The following LARP1B variants were observed in gnomAD, a reference collection of about 807,000 sequenced individuals.
The protein encoded by LARP1B is La ribonucleoprotein 1B.
Under a neutral mutation model 114.2 loss-of-function variants are expected in LARP1B, and 76 were observed. The observed-to-expected ratio is 0.67, with a 90% CI of 0.55 to 0.81. The LOEUF is 0.81. LARP1B is among the 30% of genes least tolerant of loss of function. LARP1B has a pLI of 0.00. For missense variants in LARP1B, 1,014 were observed against 1,075.8 expected (o/e 0.94, Z 0.80); for synonymous variants, 345 against 348.0 (o/e 0.99, Z 0.10).
chr4:128,166,404 C>T (rs769418335), intron 12 of LARP1B, among the ~76,000 whole-genome samples: 2 of 151,880 alleles, frequency 1.3e-5, no homozygotes, highest in African/African-American at 2.4e-5. Context: ...AACTCCTAGC[C>T]TGTCTCCCTC....
intron 15 of LARP1B, among the ~76,000 whole-genome samples, chr4:128,187,500 G>T (rs1750762208): frequency 6.6e-6 from 1 of 152,166 alleles, no homozygotes. Context: ...ATTTACCCAA[G>T]GCCTATACCT....
intron 1 of LARP1B, among the ~76,000 whole-genome samples, chr4:128,073,523 CAAA>C (rs200125031): frequency 9.1e-6 from 1 of 110,184 alleles, no homozygotes; most frequent in Non-Finnish European, 1.7e-5. Context: ...GACTCTGTCT[CAAA>C]AAAAAAAAAG....
intron 15 of LARP1B, among the ~76,000 whole-genome samples, chr4:128,192,510 T>A (rs562446462): frequency 6.6e-6 from 1 of 152,328 alleles, no homozygotes; most frequent in South Asian, 2.1e-4. Context: ...AACCTATAGT[T>A]GGGCAAAATC....
chr4:128,101,566 T>G (rs1244807688), intron 8 of LARP1B, among the ~76,000 whole-genome samples: 3 of 152,044 alleles, frequency 2.0e-5, no homozygotes, highest in South Asian at 2.1e-4. Flanking sequence ...AATTAGTTTT[T>G]TTTTTTTTTT....
intron 17 of LARP1B, among the ~76,000 whole-genome samples, chr4:128,200,921 A>G (rs912225319): frequency 6.6e-6 from 1 of 152,240 alleles, no homozygotes; most frequent in African/African-American, 2.4e-5. Context: ...TCACAGCTTC[A>G]AAGAGTTGAG....
chr4:128,130,289 A>G (rs1487699832), intron 11 of LARP1B, among the ~76,000 whole-genome samples: 2 of 152,244 alleles, frequency 1.3e-5, no homozygotes, highest in East Asian at 3.8e-4. Flanking sequence ...ACAAAGAACT[A>G]TTAAGACTAA....
At chr4:128,202,780 T>C (rs1756373140) in intron 17 of LARP1B, among the ~76,000 whole-genome samples, 1 of 152,228 alleles carries the variant, frequency 6.6e-6, no homozygotes, top group Non-Finnish European at 1.5e-5. Context: ...CTGTATTAGC[T>C]ACTTCTTAGG....
intron 13 of LARP1B, among the ~76,000 whole-genome samples, chr4:128,177,805 C>T (rs955496919): frequency 6.6e-6 from 1 of 152,102 alleles, no homozygotes; most frequent in Non-Finnish European, 1.5e-5. Flanking sequence ...TTTGACTCAG[C>T]ATTTCCACTC....
chr4:128,206,407 C>A (rs779798116), intron 17 of LARP1B, 21 bp from the exon 18 acceptor site: 2 of 1,408,064 alleles, frequency 1.4e-6, no homozygotes, highest in East Asian at 2.3e-5. Context: ...TTATTATAAA[C>A]CTTTTATTTT....
At chr4:128,099,592 G>A (rs1779540123) in intron 8 of LARP1B, among the ~76,000 whole-genome samples, 1 of 151,948 alleles carries the variant, frequency 6.6e-6, no homozygotes, top group Non-Finnish European at 1.5e-5. Context: ...TCATATTGCT[G>A]ACTAGTATTC....
At chr4:128,072,192 G>C (rs1424203181) in intron 1 of LARP1B, among the ~76,000 whole-genome samples, 1 of 151,902 alleles carries the variant, frequency 6.6e-6, no homozygotes, top group Non-Finnish European at 1.5e-5. Flanking sequence ...GTAGAGACGG[G>C]GTTTTGCCAT....
intron 6 of LARP1B, among the ~76,000 whole-genome samples, chr4:128,217,182 A>G (rs1299565422): frequency 7.2e-6 from 1 of 138,636 alleles, no homozygotes; most frequent in African/African-American, 2.7e-5. Flanking sequence ...GTCCAGGACC[A>G]GATGGATTCA....
At chr4:128,091,993 GT>G (rs1580207255) in intron 7 of LARP1B, among the ~76,000 whole-genome samples, 1 of 152,086 alleles carries the variant, frequency 6.6e-6, no homozygotes, top group African/African-American at 2.4e-5. Flanking sequence ...TAAAGTAGGT[GT>G]TTTTAAAATT....
In LARP1B at chr4:128,076,540, T is replaced by G. The variant is rs930537251; in HGVS notation, c.43-1248T>G. On this transcript the variant is annotated intron_variant, in intron 3 of 19. Transcript: ENST00000326639. ...TGGACATTTGGATTAATTTTACGTT[T>G]TGGTTGATACAAATAAAACTGCTAT... Among the ~76,000 whole-genome samples, 5 of 152,218 alleles carry G rather than the reference T, an allele frequency of 3.3e-5. 1 individual carries two copies. Among genetic ancestry groups the G allele is most frequent in the Admixed American group, 3.3e-4 (5 of 15,266 alleles).
chr4:128,152,207 AT>A lies in LARP1B; in HGVS notation c.1525-9972del, dbSNP rs35669651. ...CTATTATGCTTATTATAAGATGGTG[AT>A]TTTTTTTTTTTTTTGAGGTGGACTC... On this transcript the variant is annotated intron_variant, in intron 11 of 19. Coordinates refer to ENST00000326639, the MANE Select transcript of LARP1B (RefSeq NM_018078.4). Among the ~76,000 whole-genome samples the A allele has an allele frequency of 9.9e-4, 139 of 140,554 alleles. 1 individual carries two copies. Among genetic ancestry groups the A allele is most frequent in the Middle Eastern group, 3.7e-3 (1 of 268 alleles). The allele number at this position is 140,554 out of a possible 152,430, so 92.2% of individuals were successfully genotyped here. A position where few individuals can be genotyped will look rare whatever the true frequency, so the allele number is the denominator to read the frequency against.
intron 7 of LARP1B, chr4:128,092,968 A>G (rs1425482457): frequency 1.0e-6 from 1 of 985,226 alleles, no homozygotes; most frequent in Non-Finnish European, 1.2e-6. Flanking sequence ...GTGAGGGAGG[A>G]GCAGAGCTAC....
At position 128,108,354 on chromosome 4, in the gene LARP1B, T is replaced by A. The variant is rs1051521378; in HGVS notation, c.988+1041T>A. 4 of 992,226 alleles carry A rather than the reference T, an allele frequency of 4.0e-6. No individual in the cohort carries two copies. The African/African-American group carries it at 7.0e-5, about 17-fold the overall frequency. The allele number at this position is 992,226 out of a possible 1,614,324, so 61.5% of individuals were successfully genotyped here. A position where few individuals can be genotyped will look rare whatever the true frequency, so the allele number is the denominator to read the frequency against. On this transcript the variant is annotated intron_variant, in intron 9 of 19. Transcript: ENST00000326639. ...CTATTCGATTTGCCTTTCAGTGTAG[T>A]GTACATTGTAAAACTCAGATATTGT...
intron 11 of LARP1B, among the ~76,000 whole-genome samples, chr4:128,149,747 A>G (rs1731857126): frequency 6.6e-6 from 1 of 152,198 alleles, no homozygotes; most frequent in South Asian, 2.1e-4. Context: ...TGGAGTATTT[A>G]GTAAAGAAGG....
At chr4:128,157,144 A>G (rs999239770) in intron 11 of LARP1B, among the ~76,000 whole-genome samples, 1 of 152,176 alleles carries the variant, frequency 6.6e-6, no homozygotes, top group Non-Finnish European at 1.5e-5. Context: ...AAGTTAAAAA[A>G]TAAAAGATAA....
Sources: gnomAD v4.1 joint callset for allele counts (sites outside exome capture counted in the v4.1 genomes callset) on GRCh38, gnomAD v4.1.1 for gene constraint, MANE v1.5 for transcripts, NCBI Gene and HGNC (gene_info 2026-07-23, HGNC 2026-07-21) for gene names.